C17orf78: variants seen among roughly 807,000 people sequenced by gnomAD.
C17orf78 encodes the protein uncharacterized protein C17orf78.
C17orf78 carries 27 observed loss-of-function variants against 31.8 expected under a neutral mutation model. That is an observed-to-expected ratio of 0.85 (90% CI 0.63 to 1.17). The LOEUF (loss-of-function observed/expected upper bound fraction) is 1.17, where lower values mean the gene tolerates loss of function less well. Ranked by LOEUF, C17orf78 falls within the 50% of genes most tolerant of loss-of-function variation. The pLI is 0.00. For missense variants in C17orf78, 258 were observed against 315.2 expected (o/e 0.82, Z 1.37); for synonymous variants, 106 against 115.1 (o/e 0.92, Z 0.51).
chr17:37,382,756 A>C (rs962449213), intron 3 of C17orf78, among the ~76,000 whole-genome samples: 3 of 152,194 alleles, frequency 2.0e-5, no homozygotes, highest in Non-Finnish European at 2.9e-5. Context: ...GCTACTCAGG[A>C]GGCTGAGACA....
In C17orf78 at chr17:37,389,245, G is replaced by A; in HGVS notation, c.634-1G>A. On this transcript the variant is annotated splice_acceptor_variant, in intron 5 of 6. Coordinates refer to ENST00000615133, the MANE Select transcript of C17orf78 (RefSeq NM_173625.5). LOFTEE classifies it high-confidence loss of function. ...TAATACCAGTCATTTTCTCCCTTCA[G>A]TATCAATGCCTAGGAGCCAGGAAGC... The A allele has an allele frequency of 4.4e-6, 7 of 1,579,896 alleles. No homozygotes were observed. Among genetic ancestry groups the A allele is most frequent in the South Asian group, 3.5e-5 (3 of 85,886 alleles).
chr17:37,390,246 ATATATAT>A (rs564245624), intron 6 of C17orf78, among the ~76,000 whole-genome samples: 10,666 of 53,044 alleles, frequency 0.2, 1,676 homozygotes, highest in East Asian at 0.46. Context: ...AATATATTAT[ATATATAT>A]TATATATAAT....
At chr17:37,378,448 C>T (rs1412565261) in intron 2 of C17orf78, among the ~76,000 whole-genome samples, 1 of 152,224 alleles carries the variant, frequency 6.6e-6, no homozygotes, top group African/African-American at 2.4e-5. Flanking sequence ...CATGGTGGCT[C>T]ACACCTGTAA....
At chr17:37,380,192 G>A (rs1014585679) in intron 3 of C17orf78, among the ~76,000 whole-genome samples, 12 of 147,772 alleles carry the variant, frequency 8.1e-5, no homozygotes, top group African/African-American at 2.5e-4. Flanking sequence ...ACCAAACACC[G>A]CATATTCTCA....
intron 3 of C17orf78, among the ~76,000 whole-genome samples, chr17:37,385,300 C>A (rs1418319990): frequency 6.6e-6 from 1 of 152,052 alleles, no homozygotes; most frequent in Non-Finnish European, 1.5e-5. Context: ...GGTGAAACCC[C>A]ATCTCTACCA....
At chr17:37,389,415 G>A in intron 6 of C17orf78, 53 bp downstream of exon 6, 1 of 1,543,332 alleles carries the variant, frequency 6.5e-7, no homozygotes, top group Non-Finnish European at 8.7e-7. Flanking sequence ...GTGGGGTAGG[G>A]GCCGGGCGTG....
chr17:37,381,540 C>T (rs533757753), intron 3 of C17orf78, among the ~76,000 whole-genome samples: 5 of 151,474 alleles, frequency 3.3e-5, no homozygotes, highest in South Asian at 2.1e-4. Flanking sequence ...CATTTCAATA[C>T]GTATATATTT....
chr17:37,382,068 CCT>C lies in C17orf78; in HGVS notation c.391+2689_391+2690del, dbSNP rs1193035755. Reference sequence around the variant, plus strand: ...TTTTTCTTTTAATAAATTCTTTTCCCCTCTTTCACTATTACTCAGTATCTATA... The same window carrying C: ...TTTTTCTTTTAATAAATTCTTTTCCCCTTTCACTATTACTCAGTATCTATA... On this transcript the variant is annotated intron_variant, in intron 3 of 6. Transcript: ENST00000615133. Among the ~76,000 whole-genome samples the C allele has an allele frequency of 6.6e-5, 10 of 151,966 alleles. No homozygotes were observed. The South Asian group carries it at 1.5e-3, about 22-fold the overall frequency.
chr17:37,377,878 G>C lies in C17orf78; in HGVS notation c.59-1G>C. The C allele has an allele frequency of 6.2e-7, 1 of 1,607,558 alleles. No individual in the cohort carries two copies. Among genetic ancestry groups the C allele is most frequent in the Non-Finnish European group, 8.5e-7 (1 of 1,177,332 alleles). On this transcript the variant is annotated splice_acceptor_variant, in intron 1 of 6. Coordinates refer to ENST00000615133, the MANE Select transcript of C17orf78 (RefSeq NM_173625.5). LOFTEE classifies it high-confidence loss of function. ...CCTCCTCCCCCTCTGCTCACCCCCA[G>C]ACCTCAGAGATAGCAGTTGCCGACT...
At position 37,377,032 on chromosome 17, in the gene C17orf78, C is replaced by T. The variant is rs148175216; in HGVS notation, c.59-847C>T. Among the ~76,000 whole-genome samples the T allele has an allele frequency of 5.3e-4, 81 of 152,174 alleles. No individual in the cohort carries two copies. The East Asian group carries it at 0.011, about 20-fold the overall frequency. The stretch of plus-strand genomic sequence containing the variant: ...CAAATGGCACAAAGTGCAGCAGTAA[C>T]GAATTTGACAAATTATAAAAATGTC... On this transcript the variant is annotated intron_variant, in intron 1 of 6. Coordinates refer to ENST00000615133, the MANE Select transcript of C17orf78 (RefSeq NM_173625.5).
chr17:37,391,604 C>T (rs1406825446), intron 6 of C17orf78, 43 bp from the exon 7 acceptor site: 3 of 1,565,806 alleles, frequency 1.9e-6, no homozygotes, highest in Non-Finnish European at 2.6e-6. Context: ...GAACTATACA[C>T]TTGCATCCTT....
Position 37,386,132 on chromosome 17 carries a change from T to C in C17orf78, c.508+7T>C, listed in dbSNP as rs776296312. On this transcript the variant is annotated splice_region_variant and intron_variant, in intron 4 of 6. Coordinates refer to ENST00000615133, the MANE Select transcript of C17orf78 (RefSeq NM_173625.5). ...GAGAAAACTACAAGTACCGGTAATT[T>C]TTCTAGCTTTGAAATGACAAAGTAC... 2 of 1,513,976 alleles carry C rather than the reference T, an allele frequency of 1.3e-6. No homozygotes were observed. The highest frequency in any genetic ancestry group is 1.7e-4 in the Middle Eastern group (1 of 5,856). 93.8% of individuals were successfully genotyped at this position (1,513,976 alleles called of 1,614,324 possible). A position where few individuals can be genotyped will look rare whatever the true frequency, so the allele number is the denominator to read the frequency against.
intron 6 of C17orf78, among the ~76,000 whole-genome samples, chr17:37,390,441 A>G (rs1396569166): frequency 3.5e-5 from 5 of 142,928 alleles, no homozygotes; most frequent in Non-Finnish European, 7.5e-5. Flanking sequence ...ATCCTAGCCA[A>G]AATGGTGAAA....
chr17:37,390,389 G>A (rs2050827784), intron 6 of C17orf78, among the ~76,000 whole-genome samples: 1 of 127,730 alleles, frequency 7.8e-6, no homozygotes, highest in Non-Finnish European at 1.6e-5. Flanking sequence ...AGCACGTTGG[G>A]AGGCCAAGGC....
At position 37,379,295 on chromosome 17, in the gene C17orf78, G is replaced by A; in HGVS notation, c.304G>A (p.Ala102Thr). 1 of 1,613,986 alleles carries A rather than the reference G, an allele frequency of 6.2e-7. No homozygotes were observed. Among genetic ancestry groups the A allele is most frequent in the African/African-American group, 1.3e-5 (1 of 75,046 alleles). Reference sequence around the variant, plus strand: ...TTTGAAGAACCTGAGAATCATTGCTGCTCCCCGCAGAAACAGCTCTGCCTC... The same window carrying A: ...TTTGAAGAACCTGAGAATCATTGCTACTCCCCGCAGAAACAGCTCTGCCTC... ...HILKNLRIIAAPRRNSSASSS... is the reference protein window; with the variant it reads ...HILKNLRIIATPRRNSSASSS... Residue 102 changes from alanine to threonine, a missense_variant, in exon 3 of 7, where the codon GCT becomes ACT. Coordinates refer to ENST00000615133, the MANE Select transcript of C17orf78 (RefSeq NM_173625.5).
intron 3 of C17orf78, among the ~76,000 whole-genome samples, chr17:37,385,598 A>T (rs1489273433): frequency 6.6e-6 from 1 of 152,100 alleles, no homozygotes; most frequent in Non-Finnish European, 1.5e-5. Flanking sequence ...ATTCTACTAG[A>T]CACACTTGCA....
chr17:37,389,833 C>T lies in C17orf78; in HGVS notation c.750+471C>T, dbSNP rs753282373. ...GCTTCAGTTATGAAGCAAATGTGGG[C>T]AATCCTTCTTATGTCAGGAAATAGG... On this transcript the variant is annotated intron_variant, in intron 6 of 6. Coordinates refer to ENST00000615133, the MANE Select transcript of C17orf78 (RefSeq NM_173625.5). Among the ~76,000 whole-genome samples, 4 of 151,570 alleles carry T rather than the reference C, an allele frequency of 2.6e-5. No homozygotes were observed. In the South Asian group the frequency reaches 8.3e-4, roughly 32 times the overall value.
chr17:37,390,334 A>ATATATATATCTATATCTATATCTAT (rs2050822111), intron 6 of C17orf78, among the ~76,000 whole-genome samples: 1 of 93,444 alleles, frequency 1.1e-5, no homozygotes, highest in African/African-American at 4.5e-5. Flanking sequence ...ATATATATAT[A>ATATATATATCTATATCTATATCTAT]AAAGGCCAGC....
Position 37,388,478 on chromosome 17 carries a change from G to A in C17orf78, c.509-192G>A, listed in dbSNP as rs996706889. Among the ~76,000 whole-genome samples, 4 of 149,636 alleles carry A rather than the reference G, an allele frequency of 2.7e-5. No individual in the cohort carries two copies. The Admixed American group carries it at 2.7e-4, about 10-fold the overall frequency. On this transcript the variant is annotated intron_variant, in intron 4 of 6. Coordinates refer to ENST00000615133, the MANE Select transcript of C17orf78 (RefSeq NM_173625.5). ...AGAGAGTGCAAAAGAAGTTAGAGCAGAGCCCATGATGCTCAGCTCACCCTC... is the reference window on the plus strand; with the variant it reads ...AGAGAGTGCAAAAGAAGTTAGAGCAAAGCCCATGATGCTCAGCTCACCCTC...
Sources: gnomAD v4.1 joint callset for allele counts (sites outside exome capture counted in the v4.1 genomes callset) on GRCh38, gnomAD v4.1.1 for gene constraint, MANE v1.5 for transcripts, NCBI Gene and HGNC (gene_info 2026-07-23, HGNC 2026-07-21) for gene names.